SCHIP1: variants seen among roughly 807,000 people sequenced by gnomAD.
SCHIP1 encodes the protein schwannomin interacting protein 1, also known as schwannomin-interacting protein 1.
SCHIP1 carries 8 observed loss-of-function variants against 29.7 expected under a neutral mutation model. The observed-to-expected ratio is 0.27, with a 90% CI of 0.16 to 0.49. The LOEUF (loss-of-function observed/expected upper bound fraction) is 0.49, where lower values mean the gene tolerates loss of function less well. SCHIP1 is among the 20% of genes least tolerant of loss of function. SCHIP1 has a pLI of 0.99. For missense variants in SCHIP1, 193 were observed against 294.6 expected, an observed-to-expected ratio of 0.66 and a Z score of 2.52; for synonymous variants, 76 against 94.9, an observed-to-expected ratio of 0.80 and a Z score of 1.16.
At chr3:159,512,254 C>A in the SCHIP1 span, among the ~76,000 whole-genome samples, 1 of 152,204 alleles carries the variant, frequency 6.6e-6, no homozygotes. Context: ...AAAATGCTAA[C>A]TTCGTTCATC....
chr3:159,856,983 G>T (rs1713455041), intron 1 of SCHIP1, among the ~76,000 whole-genome samples: 1 of 152,260 alleles, frequency 6.6e-6, no homozygotes, highest in African/African-American at 2.4e-5. Context: ...GCCTGTGAGG[G>T]CTGAATACGC....
the SCHIP1 span, chr3:159,398,697 TTGAATC>T: frequency 6.6e-6 from 1 of 152,104 alleles, no homozygotes; most frequent in Non-Finnish European, 1.5e-5. Flanking sequence ...TGATAATTGT[TTGAATC>T]TGATAGAGAG....
the SCHIP1 span, among the ~76,000 whole-genome samples, chr3:159,316,626 G>A: frequency 1.3e-5 from 2 of 152,126 alleles, no homozygotes; most frequent in South Asian, 4.1e-4. Context: ...CATCTCTTGA[G>A]ATCATACATA....
the SCHIP1 span, among the ~76,000 whole-genome samples, chr3:159,744,961 G>A: frequency 1.4e-4 from 21 of 150,244 alleles, 2 homozygotes; most frequent in Admixed American, 1.0e-3. Context: ...CAGCCTGGGC[G>A]ACAGAGCAAG....
At chr3:159,415,369 G>A in the SCHIP1 span, among the ~76,000 whole-genome samples, 2 of 152,192 alleles carry the variant, frequency 1.3e-5, no homozygotes, top group South Asian at 4.1e-4. Context: ...TATCACGGGG[G>A]TTTGTTGTAT....
chr3:159,786,493 A>G, the SCHIP1 span, among the ~76,000 whole-genome samples: 64 of 152,360 alleles, frequency 4.2e-4, no homozygotes, highest in African/African-American at 1.5e-3. Context: ...GTATTGGCAT[A>G]TGTCTGTTCA....
intron 1 of SCHIP1, among the ~76,000 whole-genome samples, chr3:159,865,740 G>A (rs1346654986): frequency 6.6e-6 from 1 of 152,192 alleles, no homozygotes. Context: ...TAGAGAAAAT[G>A]GGCTGGCTAA....
the SCHIP1 span, among the ~76,000 whole-genome samples, chr3:159,489,867 T>G: frequency 1.0e-3 from 156 of 151,978 alleles, no homozygotes; most frequent in Non-Finnish European, 2.1e-3. Flanking sequence ...CTGGTGTCTT[T>G]TATATTAAAA....
the SCHIP1 span, among the ~76,000 whole-genome samples, chr3:159,315,990 CACATTCTTT>C: frequency 6.6e-6 from 1 of 152,140 alleles, no homozygotes; most frequent in South Asian, 2.1e-4. Flanking sequence ...CTACTTTCTT[CACATTCTTT>C]TAATGTAAAT....
At chr3:159,715,765 C>A in the SCHIP1 span, among the ~76,000 whole-genome samples, 1 of 152,186 alleles carries the variant, frequency 6.6e-6, no homozygotes, top group Non-Finnish European at 1.5e-5. Context: ...AAGACCAAAT[C>A]TACATCTGAT....
the SCHIP1 span, among the ~76,000 whole-genome samples, chr3:159,601,049 AGTG>A: frequency 6.6e-6 from 1 of 152,218 alleles, no homozygotes. Context: ...CAAGAGTAGC[AGTG>A]GTGGTCTGAC....
At chr3:159,496,731 T>TA in the SCHIP1 span, among the ~76,000 whole-genome samples, 4 of 152,176 alleles carry the variant, frequency 2.6e-5, no homozygotes, top group Non-Finnish European at 5.9e-5. Flanking sequence ...GAAATACCAT[T>TA]TGACCCAGCC....
the SCHIP1 span, among the ~76,000 whole-genome samples, chr3:159,539,146 C>G: frequency 6.6e-6 from 1 of 152,070 alleles, no homozygotes; most frequent in Non-Finnish European, 1.5e-5. Flanking sequence ...TTAGAGAACG[C>G]AGTGCCCATT....
the SCHIP1 span, among the ~76,000 whole-genome samples, chr3:159,569,719 T>C: frequency 3.9e-5 from 6 of 152,214 alleles, no homozygotes; most frequent in Non-Finnish European, 7.3e-5. Flanking sequence ...GCAATTCTTG[T>C]TCTAGATCCT....
At chr3:159,746,172 T>C in the SCHIP1 span, among the ~76,000 whole-genome samples, 1 of 152,224 alleles carries the variant, frequency 6.6e-6, no homozygotes, top group African/African-American at 2.4e-5. Context: ...ATTATAGATA[T>C]AAAATTGGCC....
chr3:159,807,604 G>C, the SCHIP1 span, among the ~76,000 whole-genome samples: 2 of 152,156 alleles, frequency 1.3e-5, no homozygotes, highest in Admixed American at 6.5e-5. Context: ...TAATTTATGT[G>C]TGTGTTTGTG....
chr3:159,581,798 C>T, the SCHIP1 span, among the ~76,000 whole-genome samples: 3 of 152,154 alleles, frequency 2.0e-5, no homozygotes, highest in Admixed American at 6.5e-5. Context: ...GAAGGGTAAA[C>T]ATATAGATCA....
chr3:159,422,576 G>A, the SCHIP1 span, among the ~76,000 whole-genome samples: 1 of 152,112 alleles, frequency 6.6e-6, no homozygotes, highest in African/African-American at 2.4e-5. Context: ...ACAGAAAAAT[G>A]TCAGCAGTTC....
At chr3:159,852,017 A>C (rs1477061372) in intron 1 of SCHIP1, among the ~76,000 whole-genome samples, 1 of 152,240 alleles carries the variant, frequency 6.6e-6, no homozygotes, top group African/African-American at 2.4e-5. Context: ...TACAGAGGGA[A>C]GTATTTGCTT....
Sources: gnomAD v4.1 joint callset for allele counts (sites outside exome capture counted in the v4.1 genomes callset) on GRCh38, gnomAD v4.1.1 for gene constraint, MANE v1.5 for transcripts, NCBI Gene and HGNC (gene_info 2026-07-23, HGNC 2026-07-21) for gene names.